The following PRKG1 variants were observed in gnomAD, a reference collection of about 807,000 sequenced individuals.
PRKG1 encodes the protein protein kinase cGMP-dependent 1.
A neutral mutation model predicts 88.1 loss-of-function variants in PRKG1; 35 were observed. The observed-to-expected ratio is 0.40, with a 90% CI of 0.30 to 0.53. PRKG1 has a LOEUF of 0.53. Ranked by LOEUF, PRKG1 falls within the 20% of genes least tolerant of loss-of-function variation. The pLI is 0.59. For missense variants in PRKG1, 540 were observed against 839.8 expected, an observed-to-expected ratio of 0.64 and a Z score of 4.41; for synonymous variants, 303 against 292.5, an observed-to-expected ratio of 1.04 and a Z score of -0.37.
At chr10:51,576,001 A>T (rs1317885151) in intron 3 of PRKG1, among the ~76,000 whole-genome samples, 2 of 152,028 alleles carry the variant, frequency 1.3e-5, no homozygotes, top group African/African-American at 4.8e-5. Flanking sequence ...CAAACATATT[A>T]TAACAATTAA....
intron 4 of PRKG1, among the ~76,000 whole-genome samples, chr10:51,816,489 C>A (rs1839588460): frequency 6.6e-6 from 1 of 150,528 alleles, no homozygotes; most frequent in Non-Finnish European, 1.5e-5. Flanking sequence ...AAGTGCATTG[C>A]TATAAACATT....
intron 7 of PRKG1, among the ~76,000 whole-genome samples, chr10:52,072,988 A>G (rs974733318): frequency 6.6e-6 from 1 of 152,246 alleles, no homozygotes. Flanking sequence ...TCTGTAGGCT[A>G]GACATCCAAA....
intron 2 of PRKG1, among the ~76,000 whole-genome samples, chr10:51,275,152 T>C (rs1291897792): frequency 1.3e-5 from 2 of 152,252 alleles, no homozygotes; most frequent in African/African-American, 4.8e-5. Flanking sequence ...CATGACATCC[T>C]TATTTATCTG....
At chr10:52,158,990 A>C (rs1417428440) in intron 8 of PRKG1, among the ~76,000 whole-genome samples, 2 of 151,516 alleles carry the variant, frequency 1.3e-5, no homozygotes, top group Admixed American at 1.3e-4. Context: ...TACTTATGCT[A>C]TAATATTAAG....
At chr10:51,559,015 T>G (rs1837388445) in intron 3 of PRKG1, among the ~76,000 whole-genome samples, 1 of 152,094 alleles carries the variant, frequency 6.6e-6, no homozygotes, top group African/African-American at 2.4e-5. Context: ...GAGACGACAT[T>G]CACATAACTT....
intron 3 of PRKG1, among the ~76,000 whole-genome samples, chr10:51,716,143 A>G (rs1841879904): frequency 6.6e-6 from 1 of 152,168 alleles, no homozygotes; most frequent in South Asian, 2.1e-4. Flanking sequence ...ACCTGCTGCT[A>G]CTACTGCTTG....
chr10:51,413,651 G>A (rs549491419), intron 2 of PRKG1, among the ~76,000 whole-genome samples: 12 of 152,036 alleles, frequency 7.9e-5, no homozygotes, highest in East Asian at 1.9e-4. Context: ...GAGCCACTGC[G>A]CCCAGCCAAA....
chr10:51,597,382 G>GT (rs1838480242), intron 3 of PRKG1, among the ~76,000 whole-genome samples: 1 of 152,102 alleles, frequency 6.6e-6, no homozygotes, highest in African/African-American at 2.4e-5. Flanking sequence ...ACAACTGTAT[G>GT]TGGCTACTCT....
At chr10:51,077,185 C>T (rs1469356996) in intron 1 of PRKG1, among the ~76,000 whole-genome samples, 1 of 152,162 alleles carries the variant, frequency 6.6e-6, no homozygotes. Context: ...ACCTGCCAAA[C>T]CAAAGAAGAC....
At chr10:51,358,085 G>A (rs1237662322) in intron 2 of PRKG1, among the ~76,000 whole-genome samples, 1 of 151,754 alleles carries the variant, frequency 6.6e-6, no homozygotes, top group Admixed American at 6.6e-5. Flanking sequence ...TCTTTAGGTC[G>A]GGAATTTGTG....
chr10:52,224,808 CAT>C lies in PRKG1; in HGVS notation c.1077-26732_1077-26731del, dbSNP rs71032630. Among the ~76,000 whole-genome samples, 774 of 106,380 alleles carry C rather than the reference CAT, an allele frequency of 7.3e-3. 37 individuals are homozygous for C. The highest frequency in any genetic ancestry group is 0.023 in the African/African-American group (614 of 26,752). 69.8% of individuals were successfully genotyped at this position (106,380 alleles called of 152,430 possible). A position where few individuals can be genotyped will look rare whatever the true frequency, so the allele number is the denominator to read the frequency against. ...TTTTTATGGCTGCATAGTATTCCAT[CAT>C]ATATATATATATATATATATATATA... On this transcript the variant is annotated intron_variant, in intron 9 of 17. Coordinates refer to ENST00000373980, the MANE Select transcript of PRKG1 (RefSeq NM_006258.4).
At chr10:51,562,204 A>G (rs912157422) in intron 3 of PRKG1, among the ~76,000 whole-genome samples, 2 of 136,260 alleles carry the variant, frequency 1.5e-5, no homozygotes, top group African/African-American at 5.5e-5. Flanking sequence ...AGCCTAGGTG[A>G]CAGACCTAGA....
chr10:52,218,998 G>T (rs2132820037), intron 9 of PRKG1, among the ~76,000 whole-genome samples: 1 of 152,168 alleles, frequency 6.6e-6, no homozygotes, highest in East Asian at 1.9e-4. Context: ...AAAGGCAAAT[G>T]ATAGCATATT....
intron 5 of PRKG1, among the ~76,000 whole-genome samples, chr10:51,941,186 G>C (rs1190590727): frequency 6.6e-6 from 1 of 151,928 alleles, no homozygotes; most frequent in Non-Finnish European, 1.5e-5. Flanking sequence ...CTTTTCTTTT[G>C]TTCCATGTAT....
intron 9 of PRKG1, among the ~76,000 whole-genome samples, chr10:52,201,269 T>C (rs759011291): frequency 3.9e-5 from 6 of 152,198 alleles, no homozygotes; most frequent in Non-Finnish European, 8.8e-5. Context: ...ATCATCTGCA[T>C]ATAGCTAGCC....
At chr10:51,724,307 G>A (rs572820855) in intron 3 of PRKG1, among the ~76,000 whole-genome samples, 18 of 152,238 alleles carry the variant, frequency 1.2e-4, no homozygotes, top group East Asian at 7.7e-4. Flanking sequence ...AGTTTCTCCC[G>A]TGATTATAAT....
chr10:51,466,921 G>T (rs550337890), intron 2 of PRKG1, among the ~76,000 whole-genome samples: 1 of 152,110 alleles, frequency 6.6e-6, no homozygotes, highest in Non-Finnish European at 1.5e-5. Context: ...GTCAAGAATG[G>T]ATTGTGTTGC....
intron 2 of PRKG1, among the ~76,000 whole-genome samples, chr10:51,282,003 A>G (rs1378814875): frequency 6.6e-6 from 1 of 152,180 alleles, no homozygotes; most frequent in Non-Finnish European, 1.5e-5. Flanking sequence ...GATAATTTCT[A>G]ATGTATGGCT....
At chr10:51,740,791 G>T (rs1441535104) in intron 3 of PRKG1, among the ~76,000 whole-genome samples, 2 of 152,090 alleles carry the variant, frequency 1.3e-5, no homozygotes, top group Non-Finnish European at 2.9e-5. Flanking sequence ...TCAGAATCAA[G>T]ATAGTAAATT....
Sources: gnomAD v4.1 joint callset for allele counts (sites outside exome capture counted in the v4.1 genomes callset) on GRCh38, gnomAD v4.1.1 for gene constraint, MANE v1.5 for transcripts, NCBI Gene and HGNC (gene_info 2026-07-23, HGNC 2026-07-21) for gene names.